NALF1: variants seen among roughly 807,000 people sequenced by gnomAD.
The protein encoded by NALF1 is family with sequence similarity 155 member A.
In NALF1, 3 loss-of-function variants were observed where a neutral mutation model predicts 48.4. The observed-to-expected ratio is 0.06, with a 90% CI of 0.03 to 0.16. The LOEUF (loss-of-function observed/expected upper bound fraction) is 0.16, where lower values mean the gene tolerates loss of function less well. Ranked by LOEUF, NALF1 falls within the 10% of genes least tolerant of loss-of-function variation. The pLI is 1.00. For missense variants in NALF1, 526 were observed against 571.5 expected (o/e 0.92, Z 0.81); for synonymous variants, 262 against 245.7 (o/e 1.07, Z -0.62).
At chr13:107,707,743 G>A (rs186682677) in intron 1 of NALF1, among the ~76,000 whole-genome samples, 6 of 152,306 alleles carry the variant, frequency 3.9e-5, no homozygotes, top group African/African-American at 9.6e-5. Context: ...TGCTGGGTTA[G>A]CTAGCTTTCT....
intron 1 of NALF1, among the ~76,000 whole-genome samples, chr13:107,533,225 A>G (rs1876696778): frequency 6.6e-6 from 1 of 152,124 alleles, no homozygotes. Flanking sequence ...ATTTATAGAA[A>G]TTTACACATT....
intron 1 of NALF1, among the ~76,000 whole-genome samples, chr13:107,586,377 G>C (rs919964374): frequency 6.6e-6 from 1 of 152,078 alleles, no homozygotes; most frequent in African/African-American, 2.4e-5. Flanking sequence ...GCAGCTTGAA[G>C]ACATATGAGT....
intron 1 of NALF1, among the ~76,000 whole-genome samples, chr13:107,478,899 G>T (rs372745226): frequency 1.3e-5 from 2 of 152,206 alleles, no homozygotes; most frequent in African/African-American, 4.8e-5. Flanking sequence ...TGTTTAGAAA[G>T]AAATGTGCTT....
intron 1 of NALF1, among the ~76,000 whole-genome samples, chr13:107,340,191 T>A (rs1396368073): frequency 7.6e-6 from 1 of 131,848 alleles, no homozygotes. Context: ...TTTTTTTTTT[T>A]AGACAGTGGT....
intron 1 of NALF1, among the ~76,000 whole-genome samples, chr13:107,410,304 T>G (rs16970075): frequency 0.024 from 3,672 of 152,172 alleles, 146 homozygotes; most frequent in African/African-American, 0.083. Flanking sequence ...CCCTGCAGGT[T>G]TTTCCTTGTT....
chr13:107,488,636 A>G (rs961499531), intron 1 of NALF1, among the ~76,000 whole-genome samples: 2 of 152,168 alleles, frequency 1.3e-5, no homozygotes, highest in African/African-American at 4.8e-5. Context: ...AAATAATAAG[A>G]GCCGTATATG....
chr13:107,838,845 A>C (rs935241675), intron 1 of NALF1, among the ~76,000 whole-genome samples: 1 of 152,222 alleles, frequency 6.6e-6, no homozygotes, highest in Admixed American at 6.5e-5. Context: ...TGTTTTGAGT[A>C]TGAAAGTCAT....
intron 1 of NALF1, among the ~76,000 whole-genome samples, chr13:107,584,798 G>A (rs1462931285): frequency 2.0e-5 from 3 of 152,100 alleles, no homozygotes; most frequent in African/African-American, 7.2e-5. Flanking sequence ...CAGGCTGGGT[G>A]GCCATATCTG....
chr13:107,263,795 G>T (rs9514642), intron 1 of NALF1, among the ~76,000 whole-genome samples: 40,060 of 152,050 alleles, frequency 0.26, 5,966 homozygotes, highest in East Asian at 0.5. Context: ...AATGGACTAA[G>T]ACAATGGTCT....
intron 1 of NALF1, among the ~76,000 whole-genome samples, chr13:107,252,218 A>G (rs1182847032): frequency 1.3e-5 from 2 of 152,136 alleles, no homozygotes; most frequent in African/African-American, 4.8e-5. Flanking sequence ...TCAGTTTGTC[A>G]CAGTTTGCTG....
chr13:107,411,657 C>A (rs1440000421), intron 1 of NALF1, among the ~76,000 whole-genome samples: 1 of 152,102 alleles, frequency 6.6e-6, no homozygotes, highest in African/African-American at 2.4e-5. Flanking sequence ...ACAAATAACT[C>A]CAAGTCTGAC....
intron 1 of NALF1, among the ~76,000 whole-genome samples, chr13:107,650,843 T>C (rs1176809568): frequency 6.6e-6 from 1 of 152,044 alleles, no homozygotes; most frequent in Non-Finnish European, 1.5e-5. Context: ...AAATATATCA[T>C]GCCTCACTTG....
At chr13:107,644,646 C>CATATATATATATATAT (rs58981652) in intron 1 of NALF1, among the ~76,000 whole-genome samples, 13 of 108,254 alleles carry the variant, frequency 1.2e-4, no homozygotes, top group African/African-American at 2.7e-4. Flanking sequence ...TACATACATA[C>CATATATATATATATAT]ATATATATAT....
chr13:107,675,727 G>A (rs189971107), intron 1 of NALF1, among the ~76,000 whole-genome samples: 78 of 152,168 alleles, frequency 5.1e-4, no homozygotes, highest in African/African-American at 1.9e-3. Context: ...TTAAATACTG[G>A]TATTAGCGCA....
At chr13:107,361,685 T>C (rs1883063176) in intron 1 of NALF1, among the ~76,000 whole-genome samples, 1 of 152,188 alleles carries the variant, frequency 6.6e-6, no homozygotes, top group African/African-American at 2.4e-5. Flanking sequence ...TTAATATTTG[T>C]TGTGAGTCTA....
chr13:107,676,618 TAATTA>T (rs1446899568), intron 1 of NALF1, among the ~76,000 whole-genome samples: 2 of 151,814 alleles, frequency 1.3e-5, no homozygotes, highest in East Asian at 1.9e-4. Context: ...TTAATTTAAT[TAATTA>T]AATTAAATTG....
chr13:107,767,056 CA>C (rs1203462467), intron 1 of NALF1, among the ~76,000 whole-genome samples: 1 of 151,860 alleles, frequency 6.6e-6, no homozygotes, highest in African/African-American at 2.4e-5. Context: ...AAAAACCTAA[CA>C]AAACAGGAAA....
chr13:107,381,631 G>A (rs971150483), intron 1 of NALF1, among the ~76,000 whole-genome samples: 11 of 151,972 alleles, frequency 7.2e-5, no homozygotes, highest in African/African-American at 1.2e-4. Flanking sequence ...AATGATAGAC[G>A]TTGGGGACTC....
At chr13:107,662,845 A>G (rs1880765048) in intron 1 of NALF1, among the ~76,000 whole-genome samples, 1 of 152,220 alleles carries the variant, frequency 6.6e-6, no homozygotes, top group African/African-American at 2.4e-5. Flanking sequence ...TACAATTGAA[A>G]GACTATTAGC....
Sources: allele counts gnomAD v4.1 joint callset (sites outside exome capture counted in the v4.1 genomes callset), GRCh38; gene constraint gnomAD v4.1.1; transcripts MANE v1.5; gene names NCBI Gene and HGNC (gene_info 2026-07-23, HGNC 2026-07-21).